CA1: variants seen among roughly 807,000 people sequenced by gnomAD.
CA1 encodes the protein carbonate dehydratase I.
CA1 carries 27 observed loss-of-function variants against 28.8 expected under a neutral mutation model. The observed-to-expected ratio is 0.94, with a 90% confidence interval of 0.69 to 1.29. The LOEUF is 1.29. CA1 is among the 50% of genes most tolerant of loss of function. The pLI, the probability that CA1 is intolerant of heterozygous loss-of-function variation, is 0.00. For missense variants in CA1, 335 were observed against 310.5 expected (o/e 1.08, Z -0.59); for synonymous variants, 121 against 108.8 (o/e 1.11, Z -0.70).
intron 3 of CA1, chr8:85,337,983 A>C (rs903345772): frequency 3.5e-6 from 2 of 578,340 alleles, no homozygotes; most frequent in Middle Eastern, 3.0e-4. Flanking sequence ...ATTCAGAGAC[A>C]GTGAAGTGAG....
chr8:85,355,591 G>C (rs902766349), intron 1 of CA1, among the ~76,000 whole-genome samples: 2 of 139,168 alleles, frequency 1.4e-5, no homozygotes, highest in Non-Finnish European at 3.1e-5. Flanking sequence ...AGTAGAGACA[G>C]AGTCTTGCTA....
intron 1 of CA1, among the ~76,000 whole-genome samples, chr8:85,369,506 A>T (rs1428550290): frequency 6.6e-6 from 1 of 152,178 alleles, no homozygotes; most frequent in Non-Finnish European, 1.5e-5. Flanking sequence ...TGCTTTACAT[A>T]GTGATTTGAA....
chr8:85,330,077 G>A (rs7001982), intron 6 of CA1, among the ~76,000 whole-genome samples: 4,404 of 152,066 alleles, frequency 0.029, 215 homozygotes, highest in African/African-American at 0.1. Context: ...TGACCAAGAC[G>A]TCTTCCTTCT....
chr8:85,340,034 C>T (rs1808850950), intron 2 of CA1, among the ~76,000 whole-genome samples: 1 of 152,198 alleles, frequency 6.6e-6, no homozygotes, highest in Non-Finnish European at 1.5e-5. Flanking sequence ...GACAGTTATA[C>T]AGAAGATCTA....
intron 1 of CA1, among the ~76,000 whole-genome samples, chr8:85,367,933 G>A (rs1451449129): frequency 6.6e-6 from 1 of 151,912 alleles, no homozygotes; most frequent in East Asian, 1.9e-4. Context: ...TAAAACAAAA[G>A]CATTAAATAA....
chr8:85,347,581 C>T (rs533680243), intron 1 of CA1, among the ~76,000 whole-genome samples: 23 of 152,200 alleles, frequency 1.5e-4, no homozygotes, highest in Non-Finnish European at 2.8e-4. Flanking sequence ...ATGAAAAGTT[C>T]ACTCCAAACA....
chr8:85,361,358 A>T (rs117219874), intron 1 of CA1, among the ~76,000 whole-genome samples: 1,870 of 152,314 alleles, frequency 0.012, 19 homozygotes, highest in Middle Eastern at 0.02. Context: ...GTTTAAAAAG[A>T]TAATAAAGAA....
intron 1 of CA1, among the ~76,000 whole-genome samples, chr8:85,367,967 G>A (rs914414720): frequency 4.0e-5 from 6 of 151,864 alleles, no homozygotes; most frequent in Non-Finnish European, 7.4e-5. Flanking sequence ...AAGAATAATA[G>A]AAAATTATTT....
intron 3 of CA1, among the ~76,000 whole-genome samples, chr8:85,337,622 A>G (rs1808718904): frequency 6.6e-6 from 1 of 152,138 alleles, no homozygotes; most frequent in Non-Finnish European, 1.5e-5. Flanking sequence ...CAATGATAAT[A>G]TTAGTTAAAT....
intron 1 of CA1, among the ~76,000 whole-genome samples, chr8:85,342,315 A>G (rs1312433587): frequency 3.9e-5 from 6 of 152,198 alleles, no homozygotes; most frequent in Non-Finnish European, 8.8e-5. Context: ...TAGGTCTACA[A>G]GAATAAAGGT....
chr8:85,351,504 G>A (rs1208937571), intron 1 of CA1, among the ~76,000 whole-genome samples: 2 of 152,220 alleles, frequency 1.3e-5, no homozygotes, highest in Non-Finnish European at 2.9e-5. Flanking sequence ...CATGCCTTCT[G>A]TATGAGATGA....
At chr8:85,370,998 C>G (rs925319430) in intron 1 of CA1, among the ~76,000 whole-genome samples, 2 of 152,172 alleles carry the variant, frequency 1.3e-5, no homozygotes, top group Non-Finnish European at 2.9e-5. Context: ...TAACATATGA[C>G]ACAGTGTGAT....
chr8:85,328,704 A>T lies in CA1; in HGVS notation c.670-28T>A, dbSNP rs754330305. 2.8e-6 allele frequency: 4 copies of T among 1,423,392 alleles called. No individual in the cohort carries two copies. In the Admixed American group the frequency reaches 6.8e-5, roughly 24 times the overall value. 88.2% of individuals were successfully genotyped at this position (1,423,392 alleles called of 1,614,324 possible). The stretch of plus-strand genomic sequence containing the variant: ...AGAAGGATAAAATATTTTAAAAATA[A>T]AAAGTTTTTAAAGTTACATAAAGCG... On this transcript the variant is annotated intron_variant, in intron 7 of 7. Coordinates refer to ENST00000523022, the MANE Select transcript of CA1 (RefSeq NM_001128831.4).
intron 2 of CA1, 54 bp downstream of exon 2, chr8:85,341,545 T>G: frequency 9.4e-7 from 1 of 1,060,806 alleles, no homozygotes; most frequent in Non-Finnish European, 1.5e-6. Flanking sequence ...ATCTTTTCTG[T>G]TGGAAATGGG....
At chr8:85,339,367 T>C (rs1205792329) in intron 2 of CA1, among the ~76,000 whole-genome samples, 1 of 152,228 alleles carries the variant, frequency 6.6e-6, no homozygotes, top group Non-Finnish European at 1.5e-5. Context: ...ACTATTATAA[T>C]AGTGTTGTGG....
chr8:85,343,045 A>AC (rs1808991276), intron 1 of CA1: 1 of 151,822 alleles, frequency 6.6e-6, no homozygotes, highest in East Asian at 1.9e-4. Context: ...TTTCCAAAGT[A>AC]CTGTTTATTG....
At chr8:85,366,670 C>T (rs75642394) in intron 1 of CA1, among the ~76,000 whole-genome samples, 3,128 of 152,202 alleles carry the variant, frequency 0.021, 53 homozygotes, top group Middle Eastern at 0.037. Flanking sequence ...TGCAAGGATG[C>T]TAACTGAATC....
intron 1 of CA1, among the ~76,000 whole-genome samples, chr8:85,358,127 A>G (rs1260226384): frequency 1.3e-5 from 2 of 152,184 alleles, no homozygotes; most frequent in Non-Finnish European, 2.9e-5. Flanking sequence ...GGGATAAACT[A>G]GGTGGGCAGT....
chr8:85,372,817 T>C (rs1350895982), intron 1 of CA1, among the ~76,000 whole-genome samples: 1 of 152,186 alleles, frequency 6.6e-6, no homozygotes, highest in Admixed American at 6.6e-5. Context: ...CCTTTGTCCA[T>C]CATATCGCCT....
Sources: allele counts gnomAD v4.1 joint callset (sites outside exome capture counted in the v4.1 genomes callset), GRCh38; gene constraint gnomAD v4.1.1; transcripts MANE v1.5; gene names NCBI Gene and HGNC (gene_info 2026-07-23, HGNC 2026-07-21).